Variants in CELF1 observed in about 807,000 individuals in gnomAD.
CELF1 encodes the protein CUGBP Elav-like family member 1.
Under a neutral mutation model 61.8 loss-of-function variants are expected in CELF1, and 10 were observed. The observed-to-expected ratio is 0.16, with a 90% confidence interval of 0.10 to 0.27. CELF1 has a LOEUF of 0.27. CELF1 is among the 10% of genes least tolerant of loss of function. CELF1 has a pLI of 1.00. For missense variants in CELF1, 380 were observed against 639.1 expected (o/e 0.59, Z 4.37); for synonymous variants, 236 against 225.1 (o/e 1.05, Z -0.43).
chr11:47,527,456 G>T (rs1259731344), intron 1 of CELF1, among the ~76,000 whole-genome samples: 3 of 152,080 alleles, frequency 2.0e-5, no homozygotes, highest in African/African-American at 7.2e-5. Context: ...CACATGCAGT[G>T]TTTCACCCCT....
At chr11:47,506,162 C>T (rs1597282737) in intron 1 of CELF1, among the ~76,000 whole-genome samples, 2 of 150,674 alleles carry the variant, frequency 1.3e-5, no homozygotes, top group African/African-American at 4.9e-5. Context: ...CGCGGTGGCT[C>T]ACACCTGTAA....
chr11:47,552,477 G>A (rs2097164166), intron 1 of CELF1, among the ~76,000 whole-genome samples: 1 of 152,248 alleles, frequency 6.6e-6, no homozygotes, highest in African/African-American at 2.4e-5. Context: ...GGCCGTAGCG[G>A]ATCTGGGGCG....
intron 1 of CELF1, among the ~76,000 whole-genome samples, chr11:47,502,246 G>A (rs1054602034): frequency 1.1e-4 from 16 of 152,062 alleles, no homozygotes; most frequent in South Asian, 4.2e-4. Flanking sequence ...AAGCAACACC[G>A]CTTTAAAAAC....
chr11:47,514,874 T>A (rs1257846749), intron 1 of CELF1: 2 of 152,068 alleles, frequency 1.3e-5, no homozygotes, highest in Non-Finnish European at 1.5e-5. Context: ...TAAAATAATT[T>A]AAAAAATCTC....
At chr11:47,533,787 G>A (rs1384608825) in intron 1 of CELF1, among the ~76,000 whole-genome samples, 1 of 128,900 alleles carries the variant, frequency 7.8e-6, no homozygotes, top group Non-Finnish European at 1.6e-5. Flanking sequence ...TCCAGCCTGG[G>A]CAATAGAGCG....
chr11:47,547,085 AAAAAAAAAG>A (rs1389484224), intron 1 of CELF1, among the ~76,000 whole-genome samples: 6 of 149,506 alleles, frequency 4.0e-5, no homozygotes, highest in African/African-American at 9.9e-5. Context: ...AAAAAAAAAA[AAAAAAAAAG>A]AAAGAAAGAA....
intron 1 of CELF1, among the ~76,000 whole-genome samples, chr11:47,534,996 A>AT (rs1255030928): frequency 1.3e-5 from 2 of 151,854 alleles, no homozygotes; most frequent in Non-Finnish European, 2.9e-5. Context: ...AAAAAAAAAA[A>AT]TTTTTTTCCC....
chr11:47,505,115 A>G (rs1272560775), intron 1 of CELF1, among the ~76,000 whole-genome samples: 1 of 151,058 alleles, frequency 6.6e-6, no homozygotes, highest in Non-Finnish European at 1.5e-5. Context: ...CTCTGTACTC[A>G]GCTCTGTACT....
At chr11:47,483,087 C>T (rs763958756) in intron 8 of CELF1, among the ~76,000 whole-genome samples, 8 of 146,432 alleles carry the variant, frequency 5.5e-5, no homozygotes, top group East Asian at 2.1e-4. Flanking sequence ...CATGGCAAAA[C>T]GGTCGCTATT....
intron 1 of CELF1, among the ~76,000 whole-genome samples, chr11:47,501,917 A>G (rs1565837521): frequency 1.3e-5 from 2 of 152,236 alleles, no homozygotes; most frequent in Non-Finnish European, 2.9e-5. Flanking sequence ...TCCTAAAAAC[A>G]TATGAAATCT....
chr11:47,483,604 T>G, intron 7 of CELF1, 72 bp from the exon 8 acceptor site: 24 of 1,084,912 alleles, frequency 2.2e-5, no homozygotes, highest in Non-Finnish European at 3.4e-5. Flanking sequence ...GCACCTACTA[T>G]GTGCTGACTA....
intron 2 of CELF1, among the ~76,000 whole-genome samples, chr11:47,560,539 A>G (rs972344199): frequency 1.3e-5 from 2 of 152,218 alleles, no homozygotes; most frequent in African/African-American, 4.8e-5. Context: ...AGGCAGATCC[A>G]CTGAGACAGA....
chr11:47,565,495 C>G (rs939671387), exon 1 of CELF1: 4 of 838,384 alleles, frequency 4.8e-6, no homozygotes, highest in Non-Finnish European at 4.7e-6. Context: ...CAGTCCCCGC[C>G]GTCACCCGGT....
intron 1 of CELF1, among the ~76,000 whole-genome samples, chr11:47,506,418 G>T (rs896288458): frequency 1.3e-5 from 2 of 151,406 alleles, no homozygotes; most frequent in African/African-American, 4.9e-5. Flanking sequence ...GACAGAGCGA[G>T]ACTCCGGCTC....
chr11:47,508,116 A>G (rs867695252), intron 1 of CELF1, among the ~76,000 whole-genome samples: 1 of 152,210 alleles, frequency 6.6e-6, no homozygotes, highest in Non-Finnish European at 1.5e-5. Flanking sequence ...CTGTCTCTCT[A>G]GAGAAATGTG....
intron 2 of CELF1, 62 bp downstream of exon 2, chr11:47,500,799 T>C (rs142051738): frequency 1.4e-4 from 55 of 398,052 alleles, no homozygotes; most frequent in African/African-American, 1.1e-3. Context: ...TAAAATGTTA[T>C]CTCTGAAGGC....
intron 9 of CELF1, among the ~76,000 whole-genome samples, chr11:47,481,473 T>A (rs2083212314): frequency 6.6e-6 from 1 of 152,132 alleles, no homozygotes. Context: ...TGAAAACCAC[T>A]GGAACTAAAC....
At chr11:47,514,239 T>C (rs1379999550) in intron 1 of CELF1, among the ~76,000 whole-genome samples, 1 of 152,018 alleles carries the variant, frequency 6.6e-6, no homozygotes, top group Admixed American at 6.6e-5. Flanking sequence ...ATACACAGAA[T>C]TTTCAAATTC....
At chr11:47,527,397 C>T (rs557116066) in intron 1 of CELF1, among the ~76,000 whole-genome samples, 1 of 151,822 alleles carries the variant, frequency 6.6e-6, no homozygotes, top group Non-Finnish European at 1.5e-5. Context: ...CCTCAAAAAA[C>T]AAAAAAAATT....
Sources: allele counts gnomAD v4.1 joint callset (sites outside exome capture counted in the v4.1 genomes callset), GRCh38; gene constraint gnomAD v4.1.1; transcripts MANE v1.5; gene names NCBI Gene and HGNC (gene_info 2026-07-23, HGNC 2026-07-21).